Variants in NFATC2IP observed in about 807,000 individuals in gnomAD.
The protein encoded by NFATC2IP is nuclear factor of activated T cells 2 interacting protein.
NFATC2IP carries 25 observed loss-of-function variants against 40.2 expected under a neutral mutation model. That is an observed-to-expected ratio of 0.62 (90% CI 0.45 to 0.87). The LOEUF (loss-of-function observed/expected upper bound fraction) is 0.87. Ranked by LOEUF, NFATC2IP falls within the 40% of genes least tolerant of loss-of-function variation. The pLI is 0.00. For missense variants in NFATC2IP, 553 were observed against 555.6 expected (o/e 1.00, Z 0.05); for synonymous variants, 241 against 236.3 (o/e 1.02, Z -0.18).
intron 1 of NFATC2IP, among the ~76,000 whole-genome samples, chr16:28,951,819 C>A (rs1964970308): frequency 6.6e-6 from 1 of 151,900 alleles, no homozygotes; most frequent in African/African-American, 2.4e-5. Flanking sequence ...GGCTGGGGTC[C>A]CCCGATGGTC....
chr16:28,963,924 G>A lies in NFATC2IP; in HGVS notation c.*61G>A. On this transcript the variant is annotated 3_prime_UTR_variant, in exon 8 of 8. Coordinates refer to ENST00000320805, the MANE Select transcript of NFATC2IP (RefSeq NM_032815.4). Reference sequence around the variant, plus strand: ...TGGGGAGAATGACTTTCCCTTTTTTGCCCCATAAGGGCTAGCATAAGCTGA... The same window carrying A: ...TGGGGAGAATGACTTTCCCTTTTTTACCCCATAAGGGCTAGCATAAGCTGA... 6.6e-7 allele frequency: 1 copy of A among 1,515,522 alleles called. No homozygotes were observed. Among genetic ancestry groups the A allele is most frequent in the Admixed American group, 1.7e-5 (1 of 57,470 alleles). 93.9% of individuals were successfully genotyped at this position (1,515,522 alleles called of 1,614,324 possible).
chr16:28,958,032 ACT>A (rs1596729668), intron 5 of NFATC2IP, among the ~76,000 whole-genome samples: 2 of 151,170 alleles, frequency 1.3e-5, no homozygotes, highest in Admixed American at 1.3e-4. Context: ...AAAGAGCGAG[ACT>A]CTGCCTCAGA....
chr16:28,961,597 G>GA (rs1223980781), intron 7 of NFATC2IP, among the ~76,000 whole-genome samples: 6 of 151,600 alleles, frequency 4.0e-5, no homozygotes, highest in Middle Eastern at 3.4e-3. Context: ...CTTTTCTTTT[G>GA]AAAAAAACAA....
chr16:28,960,169 GT>G (rs1475421313), intron 7 of NFATC2IP, among the ~76,000 whole-genome samples: 1 of 152,130 alleles, frequency 6.6e-6, no homozygotes, highest in Non-Finnish European at 1.5e-5. Flanking sequence ...CATAGGTCAT[GT>G]TGGGCTAGCC....
At chr16:28,952,099 G>A (rs751608145) in intron 1 of NFATC2IP, 33 bp from the exon 2 acceptor site, 2 of 1,613,350 alleles carry the variant, frequency 1.2e-6, no homozygotes, top group Non-Finnish European at 1.7e-6. Flanking sequence ...GAAGGACTTG[G>A]GCCTGACCCC....
At chr16:28,958,647 T>A in intron 5 of NFATC2IP, 70 bp from the exon 6 acceptor site, 2 of 1,319,966 alleles carry the variant, frequency 1.5e-6, no homozygotes, top group South Asian at 2.7e-5. Flanking sequence ...AGCTTGTGTT[T>A]GGGTGGTGTG....
chr16:28,960,126 CTCTG>C (rs768538082), intron 7 of NFATC2IP, among the ~76,000 whole-genome samples: 2 of 152,082 alleles, frequency 1.3e-5, no homozygotes, highest in Non-Finnish European at 2.9e-5. Flanking sequence ...CTCCATGTGT[CTCTG>C]TCTGTGTTCG....
At chr16:28,958,318 T>C (rs1167026813) in intron 5 of NFATC2IP, 1 of 152,604 alleles carries the variant, frequency 6.6e-6, no homozygotes, top group Non-Finnish European at 1.4e-5. Context: ...ATTGCGCCAC[T>C]ACACTCCATC....
In NFATC2IP at chr16:28,954,416, CA is replaced by C. The variant is rs2141640236; in HGVS notation, c.461-147del. On this transcript the variant is annotated intron_variant, in intron 2 of 7. Coordinates refer to ENST00000320805, the MANE Select transcript of NFATC2IP (RefSeq NM_032815.4). ...CAGTCTCATCCCCTGCCCCCTTTCC[CA>C]ATATTATCATGTGGCCCTGTGTGTG... 3 of 547,308 alleles carry C rather than the reference CA, an allele frequency of 5.5e-6. No homozygotes were observed. In the Admixed American group the frequency reaches 7.5e-5, roughly 14 times the overall value. The allele number at this position is 547,308 out of a possible 1,614,324, so 33.9% of individuals were successfully genotyped here. A position where few individuals can be genotyped will look rare whatever the true frequency, so the allele number is the denominator to read the frequency against.
Position 28,958,704 on chromosome 16 carries a change from T to C in NFATC2IP, c.847-13T>C, listed in dbSNP as rs759760260. 8.7e-5 allele frequency: 140 copies of C among 1,600,202 alleles called. No homozygotes were observed. The highest frequency in any genetic ancestry group is 1.2e-4 in the Non-Finnish European group (135 of 1,173,544). On this transcript the variant is annotated splice_polypyrimidine_tract_variant and intron_variant, in intron 5 of 7. Transcript: ENST00000320805. The stretch of plus-strand genomic sequence containing the variant: ...GCAGGAAGACCTCTTTTGCTTGTTG[T>C]CCCCATCCCTAGTCGGAGCCCCTGC...
chr16:28,959,121 T>G, intron 7 of NFATC2IP, 21 bp downstream of exon 7: 7 of 1,415,986 alleles, frequency 4.9e-6, no homozygotes, highest in Non-Finnish European at 6.0e-6. Flanking sequence ...GAGATGGCTC[T>G]CCACGCCCCT....
rs1965017954 is a variant in NFATC2IP at position 28,956,066 on chromosome 16, G to A, written c.659+8G>A. The A allele has an allele frequency of 1.9e-6, 3 of 1,613,814 alleles. No homozygotes were observed. Among genetic ancestry groups the A allele is most frequent in the African/African-American group, 2.7e-5 (2 of 74,934 alleles). ...GGCACTCAAGAAGTTAAGGTGCCAA[G>A]TGCAGGGGCTCTGGCTGGGATGGAA... is the stretch of plus-strand genomic sequence containing the variant. On this transcript the variant is annotated splice_region_variant and intron_variant, in intron 4 of 7. Coordinates refer to ENST00000320805, the MANE Select transcript of NFATC2IP (RefSeq NM_032815.4).
intron 7 of NFATC2IP, among the ~76,000 whole-genome samples, chr16:28,961,402 T>G (rs1965085430): frequency 6.6e-6 from 1 of 151,412 alleles, no homozygotes; most frequent in Admixed American, 6.6e-5. Flanking sequence ...CATTTAACCA[T>G]TTATTCCAGC....
At position 28,951,288 on chromosome 16, in the gene NFATC2IP, G is replaced by A. The variant is rs1393136878; in HGVS notation, c.277G>A (p.Glu93Lys). 2 of 1,445,686 alleles carry A rather than the reference G, an allele frequency of 1.4e-6. No individual in the cohort carries two copies. Among genetic ancestry groups the A allele is most frequent in the Non-Finnish European group, 1.8e-6 (2 of 1,094,022 alleles). 89.6% of individuals were successfully genotyped at this position (1,445,686 alleles called of 1,614,324 possible). ...CCGGGATAACAGCAACAGTGACAGCGAAGGGGAGGACAGGCGGCCCGCAGG... is the reference window on the plus strand; with the variant it reads ...CCGGGATAACAGCAACAGTGACAGCAAAGGGGAGGACAGGCGGCCCGCAGG... ...ASRDNSNSDS[E>K]GEDRRPAGPP... Residue 93 changes from glutamate (E) to lysine (K), a missense_variant, in exon 1 of 8, where the codon GAA becomes AAA. Glu to Lys is a moderately conservative substitution (Grantham distance 56, BLOSUM62 1). Coordinates refer to ENST00000320805, the MANE Select transcript of NFATC2IP (RefSeq NM_032815.4).
At chr16:28,955,256 G>T (rs1034817548) in intron 3 of NFATC2IP, among the ~76,000 whole-genome samples, 1 of 152,156 alleles carries the variant, frequency 6.6e-6, no homozygotes, top group Non-Finnish European at 1.5e-5. Flanking sequence ...AGTGGCATTT[G>T]TGTCAATGAA....
chr16:28,959,336 C>T (rs1965057585), intron 7 of NFATC2IP, among the ~76,000 whole-genome samples: 1 of 152,128 alleles, frequency 6.6e-6, no homozygotes, highest in African/African-American at 2.4e-5. Context: ...TCTCCTGACT[C>T]CTTCTGATTA....
chr16:28,951,180 G>A lies in NFATC2IP; in HGVS notation c.169G>A (p.Glu57Lys). 2 of 1,543,118 alleles carry A rather than the reference G, an allele frequency of 1.3e-6. No individual in the cohort carries two copies. Among genetic ancestry groups the A allele is most frequent in the Middle Eastern group, 1.7e-4 (1 of 5,962 alleles). Residue 57 changes from glutamate to lysine, a missense_variant, in exon 1 of 8, where the codon GAA (glutamate) becomes AAA (lysine). Glu to Lys is a moderately conservative substitution (Grantham distance 56). Coordinates refer to ENST00000320805, the MANE Select transcript of NFATC2IP (RefSeq NM_032815.4). ...SVDLVTDSDE[E>K]ILEVATARGA... ...GGACTTGGTCACCGACAGCGATGAG[G>A]AAATTCTGGAGGTCGCCACCGCTCG... is the stretch of plus-strand genomic sequence containing the variant.
chr16:28,953,215 C>T (rs1964985995), intron 2 of NFATC2IP, among the ~76,000 whole-genome samples: 1 of 151,984 alleles, frequency 6.6e-6, no homozygotes, highest in African/African-American at 2.4e-5. Flanking sequence ...GCAGGGATTA[C>T]AGGCGCCCGC....
intron 5 of NFATC2IP, chr16:28,958,388 G>T: frequency 9.9e-6 from 2 of 202,934 alleles, no homozygotes; most frequent in East Asian, 1.2e-4. Flanking sequence ...ATAGGAAGAT[G>T]TCATACTGGC....
Sources: allele counts gnomAD v4.1 joint callset (sites outside exome capture counted in the v4.1 genomes callset), GRCh38; gene constraint gnomAD v4.1.1; transcripts MANE v1.5; gene names NCBI Gene and HGNC (gene_info 2026-07-23, HGNC 2026-07-21).